FANCC: variants seen among roughly 807,000 people sequenced by gnomAD.
FANCC encodes the protein FA complementation group C, also known as Fanconi anemia group C protein.
A neutral mutation model predicts 71.3 loss-of-function variants in FANCC; 55 were observed. The observed-to-expected ratio is 0.77, with a 90% CI of 0.62 to 0.97. FANCC has a LOEUF of 0.97. Ranked by LOEUF, FANCC falls within the 50% of genes least tolerant of loss-of-function variation. FANCC has a pLI of 0.00. For missense variants in FANCC, 678 were observed against 670.9 expected (o/e 1.01, Z -0.12); for synonymous variants, 275 against 244.9 (o/e 1.12, Z -1.15).
intron 4 of FANCC, among the ~76,000 whole-genome samples, chr9:95,210,095 G>T (rs1190060518): frequency 1.3e-5 from 2 of 152,018 alleles, no homozygotes; most frequent in Non-Finnish European, 2.9e-5. Context: ...GGTGGCAGAA[G>T]AATACATGTC....
intron 4 of FANCC, among the ~76,000 whole-genome samples, chr9:95,208,386 T>A (rs538102298): frequency 5.3e-5 from 8 of 152,170 alleles, no homozygotes; most frequent in African/African-American, 1.9e-4. Context: ...CATGAGCCAC[T>A]GCGCCCGGCC....
chr9:95,271,770 A>C (rs1174460941), intron 1 of FANCC, among the ~76,000 whole-genome samples: 1 of 151,474 alleles, frequency 6.6e-6, no homozygotes, highest in Non-Finnish European at 1.5e-5. Context: ...AAAGGTTTCC[A>C]CATTAGGAGT....
At position 95,171,158 on chromosome 9, in the gene FANCC, C is replaced by A. The variant is rs1057523218; in HGVS notation, c.457-15G>T. Reference sequence around the variant, plus strand: ...GATAAAACCATCTGTAAAACAAAATCAGTTGCAGGTTAACTCACGCTGCAA... The same window carrying A: ...GATAAAACCATCTGTAAAACAAAATAAGTTGCAGGTTAACTCACGCTGCAA... On this transcript the variant is annotated splice_polypyrimidine_tract_variant and intron_variant, in intron 5 of 14. Coordinates refer to ENST00000289081, the MANE Select transcript of FANCC (RefSeq NM_000136.3). The A allele has an allele frequency of 1.9e-6, 3 of 1,605,994 alleles. No individual in the cohort carries two copies. Among genetic ancestry groups the A allele is most frequent in the Non-Finnish European group, 2.6e-6 (3 of 1,172,958 alleles).
chr9:95,316,794 A>G (rs1835769671), intron 1 of FANCC: 1 of 152,276 alleles, frequency 6.6e-6, no homozygotes, highest in South Asian at 2.1e-4. Context: ...AAACGCACCC[A>G]CCTAAAAAAT....
chr9:95,163,026 T>C (rs1450668011), intron 6 of FANCC, among the ~76,000 whole-genome samples: 1 of 152,228 alleles, frequency 6.6e-6, no homozygotes, highest in Non-Finnish European at 1.5e-5. Flanking sequence ...CCAAGATCAT[T>C]GCGAAGTCCA....
chr9:95,218,441 G>T (rs996155260), intron 4 of FANCC, among the ~76,000 whole-genome samples: 5 of 152,148 alleles, frequency 3.3e-5, no homozygotes, highest in Admixed American at 6.5e-5. Context: ...TCCAGCCTGC[G>T]CAACAGAAGG....
At chr9:95,292,381 T>G in intron 1 of FANCC, 1 of 1,025,858 alleles carries the variant, frequency 9.7e-7, no homozygotes, top group Non-Finnish European at 1.2e-6. Flanking sequence ...TCCACGGCTC[T>G]GGCGGCGGGT....
intron 7 of FANCC, among the ~76,000 whole-genome samples, chr9:95,145,842 G>C (rs1263974247): frequency 1.3e-5 from 2 of 152,106 alleles, no homozygotes; most frequent in Non-Finnish European, 2.9e-5. Context: ...TTTACCACCG[G>C]AGAACGGGGA....
intron 4 of FANCC, among the ~76,000 whole-genome samples, chr9:95,228,687 C>T (rs1829791947): frequency 6.6e-6 from 1 of 152,060 alleles, no homozygotes; most frequent in African/African-American, 2.4e-5. Context: ...AGGGTCTAGC[C>T]CAGGATGATG....
intron 4 of FANCC, among the ~76,000 whole-genome samples, chr9:95,218,733 G>GA (rs1430485731): frequency 2.0e-5 from 3 of 152,156 alleles, no homozygotes; most frequent in African/African-American, 7.2e-5. Flanking sequence ...AATAGATGCA[G>GA]AAAAAACATT....
intron 1 of FANCC, chr9:95,293,357 G>C: frequency 6.3e-7 from 1 of 1,598,792 alleles, no homozygotes; most frequent in Non-Finnish European, 8.5e-7. Context: ...CACAGGGGCT[G>C]TGCACTTACT....
In FANCC at chr9:95,135,454, C is replaced by T. The variant is rs1174763492; in HGVS notation, c.735G>A (p.Arg245=). 1 of 1,613,968 alleles carries T rather than the reference C, an allele frequency of 6.2e-7. No homozygotes were observed. The highest frequency in any genetic ancestry group is 1.1e-5 in the South Asian group (1 of 91,066). ...PMSAVVCLWL[R]HLPSLEKAML... is the part of the protein sequence containing the mutation. ...TTGCTTTTTCAAGGCTGGGAAGGTG[C>T]CGAAGCCAGAGGCAGACTACAGCTG... is the stretch of plus-strand genomic sequence containing the variant. The change falls in exon 8 of 15, where the codon CGG becomes CGA. Residue 245 remains arginine (R), a synonymous_variant. Transcript: ENST00000289081.
intron 1 of FANCC, among the ~76,000 whole-genome samples, chr9:95,291,733 A>T (rs1834014570): frequency 6.6e-6 from 1 of 151,840 alleles, no homozygotes; most frequent in South Asian, 2.1e-4. Context: ...GGATCACCTG[A>T]GGTCAGGAGT....
chr9:95,170,177 A>T (rs1350845205), intron 6 of FANCC, among the ~76,000 whole-genome samples: 5 of 152,164 alleles, frequency 3.3e-5, no homozygotes, highest in African/African-American at 1.2e-4. Flanking sequence ...CATTCACCTC[A>T]CAACCAAATC....
At chr9:95,186,790 ATTTTTTT>A (rs10671582) in intron 4 of FANCC, among the ~76,000 whole-genome samples, 6 of 134,974 alleles carry the variant, frequency 4.4e-5, no homozygotes, top group South Asian at 2.4e-4. Flanking sequence ...GGACTGTTGG[ATTTTTTT>A]TTTTTTTTTT....
chr9:95,102,811 G>C (rs868213160), intron 14 of FANCC, among the ~76,000 whole-genome samples: 1 of 152,324 alleles, frequency 6.6e-6, no homozygotes, highest in African/African-American at 2.4e-5. Flanking sequence ...GAATGGCAGC[G>C]TGGGGACGCA....
chr9:95,308,883 C>T (rs1479845956), intron 1 of FANCC, among the ~76,000 whole-genome samples: 2 of 152,122 alleles, frequency 1.3e-5, no homozygotes, highest in African/African-American at 4.8e-5. Context: ...TGCCTCATGC[C>T]TGTAGTCCCA....
chr9:95,230,960 C>G (rs1009052938), intron 4 of FANCC, among the ~76,000 whole-genome samples: 1 of 152,136 alleles, frequency 6.6e-6, no homozygotes, highest in Non-Finnish European at 1.5e-5. Context: ...GTTTACAATC[C>G]TTTAGCTACA....
In FANCC at chr9:95,171,161, T is replaced by C. The variant is rs377206543; in HGVS notation, c.457-18A>G. ...AAAACCATCTGTAAAACAAAATCAG[T>C]TGCAGGTTAACTCACGCTGCAAACA... On this transcript the variant is annotated intron_variant, in intron 5 of 14. Transcript: ENST00000289081. 7.9e-5 allele frequency: 126 copies of C among 1,604,350 alleles called. No individual in the cohort carries two copies. The African/African-American group carries it at 9.0e-4, about 11-fold the overall frequency.
Sources: gnomAD v4.1 joint callset for allele counts (sites outside exome capture counted in the v4.1 genomes callset) on GRCh38, gnomAD v4.1.1 for gene constraint, MANE v1.5 for transcripts, NCBI Gene and HGNC (gene_info 2026-07-23, HGNC 2026-07-21) for gene names.